COL24A1: variants seen among roughly 807,000 people sequenced by gnomAD.
COL24A1 encodes the protein collagen type XXIV alpha 1 chain.
A neutral mutation model predicts 253.9 loss-of-function variants in COL24A1; 224 were observed. The observed-to-expected ratio is 0.88, with a 90% CI of 0.79 to 0.99. COL24A1 has a LOEUF of 0.99. Ranked by LOEUF, COL24A1 falls within the 50% of genes least tolerant of loss-of-function variation. COL24A1 has a pLI of 0.00. For synonymous variants in COL24A1, 685 were observed against 673.7 expected, an observed-to-expected ratio of 1.02 and a Z score of -0.26; for missense variants, 2,131 against 2,068.5, an observed-to-expected ratio of 1.03 and a Z score of -0.59.
Position 85,841,262 on chromosome 1 carries a change from T to A in COL24A1, c.3587A>T (p.Asp1196Val), listed in dbSNP as rs749826836. The A allele has an allele frequency of 6.3e-7, 1 of 1,599,914 alleles. No homozygotes were observed. The highest frequency in any genetic ancestry group is 8.5e-7 in the Non-Finnish European group (1 of 1,174,068). ...CCCAGGTGGTCCTAGGACTGTGCTA[T>A]CTTCTCCTGGGTAGCCCTAAAATGA... is the stretch of plus-strand genomic sequence containing the variant. Reference protein sequence around the residue: ...PKGEKGYPGEDSTVLGPPGPR... With the variant: ...PKGEKGYPGEVSTVLGPPGPR... Residue 1196 changes from aspartate to valine, a missense_variant, in exon 42 of 60, where the codon GAT becomes GTT. By Grantham distance (152) the Asp-to-Val change is radical. Coordinates refer to ENST00000370571, the MANE Select transcript of COL24A1 (RefSeq NM_152890.7).
intron 47 of COL24A1, among the ~76,000 whole-genome samples, chr1:85,806,756 G>A (rs569000413): frequency 1.3e-5 from 2 of 152,294 alleles, no homozygotes; most frequent in East Asian, 3.9e-4. Flanking sequence ...CAAGTTGGCT[G>A]GATTTTATCT....
chr1:85,787,817 A>C (rs533391184), intron 47 of COL24A1, among the ~76,000 whole-genome samples: 9 of 152,332 alleles, frequency 5.9e-5, no homozygotes, highest in African/African-American at 1.9e-4. Context: ...ACTGTCTTCC[A>C]CAATGGTTGG....
chr1:85,964,621 C>T lies in COL24A1; in HGVS notation c.2517+388G>A, dbSNP rs117955039. On this transcript the variant is annotated intron_variant, in intron 23 of 59. Coordinates refer to ENST00000370571, the MANE Select transcript of COL24A1 (RefSeq NM_152890.7). ...GATTGAGCATCCAAAATCTGAAGAT[C>T]TGAAATCATAAATGTTCCAAAATCT... Among the ~76,000 whole-genome samples the T allele has an allele frequency of 1.4e-4, 22 of 152,182 alleles. No homozygotes were observed. In the East Asian group the frequency reaches 4.2e-3, roughly 29 times the overall value.
At chr1:85,819,600 C>T (rs1673395181) in intron 45 of COL24A1, among the ~76,000 whole-genome samples, 1 of 151,974 alleles carries the variant, frequency 6.6e-6, no homozygotes, top group Admixed American at 6.6e-5. Flanking sequence ...TATTAAAAGT[C>T]TATCTTTGAG....
intron 5 of COL24A1, among the ~76,000 whole-genome samples, chr1:86,103,929 C>T (rs1172519290): frequency 6.6e-6 from 1 of 152,110 alleles, no homozygotes; most frequent in South Asian, 2.1e-4. Flanking sequence ...ATTTTGGCCT[C>T]TCTAGCTAGG....
chr1:85,734,989 G>A (rs1431917216), intron 58 of COL24A1, 25 bp from the exon 59 acceptor site: 1 of 1,604,008 alleles, frequency 6.2e-7, no homozygotes, highest in Admixed American at 1.7e-5. Flanking sequence ...ATGATATGCA[G>A]GTTATAACAT....
At chr1:86,075,952 A>G (rs1702216512) in intron 7 of COL24A1, among the ~76,000 whole-genome samples, 1 of 152,206 alleles carries the variant, frequency 6.6e-6, no homozygotes, top group Non-Finnish European at 1.5e-5. Flanking sequence ...GAATGAGTAA[A>G]AGCTGGAAGT....
chr1:85,959,736 A>G (rs912750078), intron 24 of COL24A1, among the ~76,000 whole-genome samples: 2 of 152,288 alleles, frequency 1.3e-5, no homozygotes, highest in East Asian at 3.9e-4. Flanking sequence ...CTCTTTGGAA[A>G]GCACTGGCAG....
Position 85,907,204 on chromosome 1 carries a change from T to C in COL24A1, c.2768A>G (p.Lys923Arg). Residue 923 changes from lysine to arginine, a missense_variant, in exon 28 of 60, where the codon AAA becomes AGA. Coordinates refer to ENST00000370571, the MANE Select transcript of COL24A1 (RefSeq NM_152890.7). ...CCTTAGATTACTTACTCTTTGTCCT[T>C]TAGGACCTTGACTCCCAGGTGGTCC... is the stretch of plus-strand genomic sequence containing the variant. The part of the protein sequence containing the change: ...ARGPPGSQGP[K>R]GQRGSRGPDG... 1 of 1,611,386 alleles carries C rather than the reference T, an allele frequency of 6.2e-7. No individual in the cohort carries two copies.
chr1:86,074,634 C>T (rs1414204128), intron 7 of COL24A1, among the ~76,000 whole-genome samples: 2 of 152,102 alleles, frequency 1.3e-5, no homozygotes, highest in East Asian at 3.9e-4. Flanking sequence ...AACTCTGCAC[C>T]CCAAATCAAC....
intron 24 of COL24A1, chr1:85,960,689 C>G (rs1690946297): frequency 6.5e-6 from 1 of 152,682 alleles, no homozygotes; most frequent in South Asian, 2.1e-4. Context: ...TCGAGACTAG[C>G]CTGGTTGACA....
chr1:85,977,169 G>C (rs1490185358), intron 20 of COL24A1, among the ~76,000 whole-genome samples: 1 of 152,168 alleles, frequency 6.6e-6, no homozygotes, highest in East Asian at 1.9e-4. Context: ...CTAGAAGAAG[G>C]GGGAGAGCAC....
At chr1:85,993,447 A>AT (rs1225271768) in intron 19 of COL24A1, among the ~76,000 whole-genome samples, 2 of 151,880 alleles carry the variant, frequency 1.3e-5, no homozygotes, top group East Asian at 3.8e-4. Context: ...GCCAGACAAA[A>AT]AAAAAAGAGT....
intron 37 of COL24A1, among the ~76,000 whole-genome samples, chr1:85,866,281 TTTCTTTAGTGATTA>T (rs1679787681): frequency 6.6e-6 from 1 of 152,176 alleles, no homozygotes; most frequent in Admixed American, 6.5e-5. Context: ...TTATTAATAA[TTTCTTTAGTGATTA>T]TTCTTTAGTA....
intron 37 of COL24A1, among the ~76,000 whole-genome samples, chr1:85,858,182 C>T (rs1036955773): frequency 6.6e-6 from 1 of 152,182 alleles, no homozygotes; most frequent in African/African-American, 2.4e-5. Flanking sequence ...CCCCATAGCT[C>T]ACTTCTTCAC....
intron 19 of COL24A1, among the ~76,000 whole-genome samples, chr1:86,004,111 C>T (rs532464421): frequency 5.9e-5 from 9 of 152,194 alleles, no homozygotes; most frequent in African/African-American, 2.2e-4. Context: ...TTCCATTTGT[C>T]AGCAAAAAAA....
chr1:85,742,413 T>A (rs1299774731), intron 57 of COL24A1, among the ~76,000 whole-genome samples: 2 of 152,268 alleles, frequency 1.3e-5, no homozygotes, highest in East Asian at 3.9e-4. Flanking sequence ...ATTACAGGCA[T>A]GAGCCACTGT....
chr1:85,795,860 C>T (rs144635585), intron 47 of COL24A1, among the ~76,000 whole-genome samples: 38 of 152,050 alleles, frequency 2.5e-4, no homozygotes, highest in African/African-American at 8.4e-4. Flanking sequence ...TACTTTACTT[C>T]CTTTAGTCTG....
chr1:85,954,805 T>C (rs988290838), intron 24 of COL24A1, among the ~76,000 whole-genome samples: 2 of 152,134 alleles, frequency 1.3e-5, no homozygotes, highest in African/African-American at 4.8e-5. Flanking sequence ...GAGGGGTCGA[T>C]GACATTCTTT....
Sources: gnomAD v4.1 joint callset for allele counts (sites outside exome capture counted in the v4.1 genomes callset) on GRCh38, gnomAD v4.1.1 for gene constraint, MANE v1.5 for transcripts, NCBI Gene and HGNC (gene_info 2026-07-23, HGNC 2026-07-21) for gene names.